Variants in CDH13 observed in about 807,000 individuals in gnomAD.
The protein encoded by CDH13 is cadherin 13.
CDH13 carries 24 observed loss-of-function variants against 63.8 expected under a neutral mutation model. The ratio of observed to expected loss-of-function variants is 0.38; its 90% CI spans 0.27 to 0.53. CDH13 has a LOEUF of 0.53. CDH13 is among the 20% of genes least tolerant of loss of function. CDH13 has a pLI of 0.85. For missense variants in CDH13, 1,049 were observed against 903.1 expected, an observed-to-expected ratio of 1.16 and a Z score of -2.07; for synonymous variants, 503 against 355.3, an observed-to-expected ratio of 1.42 and a Z score of -4.67.
chr16:82,856,467 C>T (rs1368747069), intron 1 of CDH13, among the ~76,000 whole-genome samples: 2 of 150,176 alleles, frequency 1.3e-5, no homozygotes, highest in African/African-American at 2.4e-5. Context: ...TTTGGGAAGT[C>T]GAGGTGGGTG....
intron 7 of CDH13, among the ~76,000 whole-genome samples, chr16:83,519,182 C>A (rs550927298): frequency 6.6e-6 from 1 of 152,266 alleles, no homozygotes; most frequent in African/African-American, 2.4e-5. Context: ...GGAGGCAGTT[C>A]CTACATATAG....
At chr16:83,116,040 T>C (rs58884264) in intron 3 of CDH13, among the ~76,000 whole-genome samples, 28,249 of 152,160 alleles carry the variant, frequency 0.19, 3,833 homozygotes, top group African/African-American at 0.39. Context: ...ACCACTTCCT[T>C]CAGTTGGCTG....
intron 1 of CDH13, among the ~76,000 whole-genome samples, chr16:82,755,601 C>A (rs1264778982): frequency 6.6e-6 from 1 of 152,206 alleles, no homozygotes; most frequent in Non-Finnish European, 1.5e-5. Context: ...TCTGGTCCAT[C>A]ATCTGTTCAT....
At chr16:82,649,005 A>C (rs1273037776) in intron 1 of CDH13, among the ~76,000 whole-genome samples, 1 of 152,214 alleles carries the variant, frequency 6.6e-6, no homozygotes, top group Non-Finnish European at 1.5e-5. Context: ...GGGAAGAAAG[A>C]GAAAAGTGCC....
At chr16:83,531,461 G>C (rs1346333049) in intron 7 of CDH13, among the ~76,000 whole-genome samples, 2 of 152,316 alleles carry the variant, frequency 1.3e-5, no homozygotes, top group South Asian at 2.1e-4. Context: ...CAAGGATCTT[G>C]AGATGAGGGG....
chr16:82,726,714 G>C (rs1024258614), intron 1 of CDH13, among the ~76,000 whole-genome samples: 13 of 152,240 alleles, frequency 8.5e-5, no homozygotes, highest in African/African-American at 2.9e-4. Flanking sequence ...ATTTGTAAGA[G>C]TTAGCAGAGA....
chr16:83,268,910 G>A (rs183569123), intron 5 of CDH13, among the ~76,000 whole-genome samples: 98 of 116,796 alleles, frequency 8.4e-4, no homozygotes, highest in Non-Finnish European at 1.2e-3. Flanking sequence ...GTTGTTAAAG[G>A]TAAACTCTGC....
Position 83,790,978 on chromosome 16 carries a change from A to G in CDH13, c.2135-4045A>G, listed in dbSNP as rs187547291. On this transcript the variant is annotated intron_variant, in intron 13 of 13. Coordinates refer to ENST00000567109, the MANE Select transcript of CDH13 (RefSeq NM_001257.5). The stretch of plus-strand genomic sequence containing the variant: ...AAATACCAAAAGTAAATGTCTCTAT[A>G]TGGAGGGTAAGATGTAGACAAACTC... 3.8e-3 allele frequency among the ~76,000 whole-genome samples: 582 copies of G among 152,276 alleles called. 3 individuals are homozygous for G. Among genetic ancestry groups the G allele is most frequent in the Middle Eastern group, 0.017 (5 of 294 alleles).
chr16:82,917,914 C>CAA (rs34766700), intron 2 of CDH13, among the ~76,000 whole-genome samples: 81 of 45,918 alleles, frequency 1.8e-3, no homozygotes, highest in African/African-American at 4.8e-3. Context: ...GACTCCATGT[C>CAA]AAAAAAAAAA....
intron 5 of CDH13, among the ~76,000 whole-genome samples, chr16:83,272,649 A>G (rs2088861142): frequency 6.6e-6 from 1 of 152,176 alleles, no homozygotes; most frequent in Non-Finnish European, 1.5e-5. Context: ...AATCATAATC[A>G]TTTGCGTTAA....
chr16:82,643,301 A>C (rs570386803), intron 1 of CDH13, among the ~76,000 whole-genome samples: 75 of 152,364 alleles, frequency 4.9e-4, no homozygotes, highest in African/African-American at 1.7e-3. Flanking sequence ...TCATGAGCAC[A>C]CACCACCTGT....
chr16:82,856,395 GAAAAGAA>G, intron 1 of CDH13, among the ~76,000 whole-genome samples: 1 of 137,068 alleles, frequency 7.3e-6, no homozygotes, highest in Non-Finnish European at 1.6e-5. Context: ...AAAAAGAAAA[GAAAAGAA>G]AAGAAAAGAA....
intron 2 of CDH13, among the ~76,000 whole-genome samples, chr16:83,016,289 T>C (rs772234915): frequency 6.6e-6 from 1 of 152,222 alleles, no homozygotes; most frequent in Non-Finnish European, 1.5e-5. Context: ...TAAAGTCTTG[T>C]CAACTAGACA....
chr16:83,554,149 T>C (rs1419295572), intron 7 of CDH13, among the ~76,000 whole-genome samples: 1 of 152,082 alleles, frequency 6.6e-6, no homozygotes, highest in Non-Finnish European at 1.5e-5. Flanking sequence ...TAGATCTTTC[T>C]AAACCAGGGT....
At chr16:83,160,219 A>G (rs530248739) in intron 4 of CDH13, among the ~76,000 whole-genome samples, 9 of 152,260 alleles carry the variant, frequency 5.9e-5, no homozygotes, top group African/African-American at 2.2e-4. Context: ...TGTAGGTTCA[A>G]TGACTGTATC....
intron 6 of CDH13, among the ~76,000 whole-genome samples, chr16:83,459,740 TGACTC>T (rs2073127367): frequency 1.3e-5 from 2 of 152,164 alleles, no homozygotes; most frequent in African/African-American, 4.8e-5. Flanking sequence ...AATAACCAAA[TGACTC>T]AACTGCATAA....
chr16:83,338,690 C>T (rs911777391), intron 5 of CDH13, among the ~76,000 whole-genome samples: 2 of 152,058 alleles, frequency 1.3e-5, no homozygotes, highest in Non-Finnish European at 2.9e-5. Flanking sequence ...GGATGAATAG[C>T]GGCAGCAAGG....
chr16:83,584,916 G>A (rs1161390668), intron 7 of CDH13, among the ~76,000 whole-genome samples: 2 of 152,082 alleles, frequency 1.3e-5, no homozygotes, highest in Non-Finnish European at 2.9e-5. Context: ...AGGGGGAGGT[G>A]CCAAATTTAA....
In CDH13 at chr16:83,612,954, A is replaced by C. The variant is rs569897121; in HGVS notation, c.1101+10360A>C. Among the ~76,000 whole-genome samples, 4 of 152,250 alleles carry C rather than the reference A, an allele frequency of 2.6e-5. No individual in the cohort carries two copies. In the South Asian group the frequency reaches 8.3e-4, roughly 32 times the overall value. On this transcript the variant is annotated intron_variant, in intron 8 of 13. Transcript: ENST00000567109. ...GAAGAATTTTCCCCTCTGATTAAAA[A>C]ATTCCTTTTATTTTAAAAATACTGC...
Sources: gnomAD v4.1 joint callset for allele counts (sites outside exome capture counted in the v4.1 genomes callset) on GRCh38, gnomAD v4.1.1 for gene constraint, MANE v1.5 for transcripts, NCBI Gene and HGNC (gene_info 2026-07-23, HGNC 2026-07-21) for gene names.